The following ANGPT1 variants were observed in gnomAD, a reference collection of about 807,000 sequenced individuals.
ANGPT1 encodes the protein angiopoietin-1.
A neutral mutation model predicts 62.2 loss-of-function variants in ANGPT1; 17 were observed. The ratio of observed to expected loss-of-function variants is 0.27; its 90% CI spans 0.19 to 0.41. ANGPT1 has a LOEUF of 0.41. ANGPT1 is among the 10% of genes least tolerant of loss of function. ANGPT1 has a pLI of 1.00. For missense variants in ANGPT1, 478 were observed against 594.9 expected (o/e 0.80, Z 2.04); for synonymous variants, 199 against 198.9 (o/e 1.00, Z 0.00).
chr8:107,366,552 C>A (rs894181440), intron 1 of ANGPT1, among the ~76,000 whole-genome samples: 1 of 152,074 alleles, frequency 6.6e-6, no homozygotes, highest in Non-Finnish European at 1.5e-5. Context: ...AACATGGGCT[C>A]ACTGTTTTTT....
intron 1 of ANGPT1, among the ~76,000 whole-genome samples, chr8:107,406,492 A>G (rs1817150209): frequency 1.3e-5 from 2 of 152,088 alleles, no homozygotes; most frequent in African/African-American, 4.8e-5. Flanking sequence ...AGAAATGACC[A>G]TCAATAGCTA....
At chr8:107,405,902 C>G (rs1001790527) in intron 1 of ANGPT1, among the ~76,000 whole-genome samples, 2 of 151,760 alleles carry the variant, frequency 1.3e-5, no homozygotes, top group Admixed American at 1.3e-4. Context: ...TACTGTAAAT[C>G]AAATTATTGG....
rs866143739 is a variant in ANGPT1, at chr8:107,317,642, T to A, written c.808+4254A>T. Reference sequence around the variant, plus strand: ...AATTTATTTTTATTTTTATTTTTTTTTTTTTTGAGACAGAGTCTTACTCTG... The same window carrying A: ...AATTTATTTTTATTTTTATTTTTTTATTTTTTGAGACAGAGTCTTACTCTG... On this transcript the variant is annotated intron_variant, in intron 4 of 8. Transcript: ENST00000517746. Among the ~76,000 whole-genome samples, 1,251 of 151,690 alleles carry A rather than the reference T, an allele frequency of 8.2e-3. 8 individuals are homozygous for A. Among genetic ancestry groups the A allele is most frequent in the Middle Eastern group, 0.034 (10 of 294 alleles).
intron 1 of ANGPT1, among the ~76,000 whole-genome samples, chr8:107,392,652 T>C (rs1816857647): frequency 1.3e-5 from 2 of 152,210 alleles, no homozygotes; most frequent in South Asian, 2.1e-4. Flanking sequence ...TATATGTGGC[T>C]TCTGAGTCTC....
intron 4 of ANGPT1, among the ~76,000 whole-genome samples, chr8:107,321,474 G>A (rs1815147889): frequency 6.6e-6 from 1 of 151,954 alleles, no homozygotes; most frequent in Admixed American, 6.6e-5. Flanking sequence ...CCCTTTAAAA[G>A]GAAATAATAA....
chr8:107,386,298 G>C (rs952104633), intron 1 of ANGPT1, among the ~76,000 whole-genome samples: 2 of 152,062 alleles, frequency 1.3e-5, no homozygotes, highest in African/African-American at 4.8e-5. Context: ...TATTATGCTA[G>C]TTAGCTGGAT....
intron 1 of ANGPT1, among the ~76,000 whole-genome samples, chr8:107,462,526 C>T (rs189487277): frequency 1.2e-4 from 18 of 151,982 alleles, no homozygotes; most frequent in Admixed American, 3.9e-4. Flanking sequence ...AGTGAGGTTG[C>T]TGGCACACAT....
intron 7 of ANGPT1, among the ~76,000 whole-genome samples, chr8:107,278,604 T>G (rs1230255695): frequency 1.3e-5 from 2 of 152,162 alleles, no homozygotes; most frequent in Non-Finnish European, 2.9e-5. Context: ...TGTGTGAGAT[T>G]TGGAAGGCGA....
intron 5 of ANGPT1, among the ~76,000 whole-genome samples, chr8:107,302,887 T>C (rs1326665857): frequency 6.6e-6 from 1 of 151,934 alleles, no homozygotes; most frequent in Non-Finnish European, 1.5e-5. Context: ...ATGTGTGTTC[T>C]CTGGATTGTT....
At chr8:107,420,928 C>T (rs746456394) in intron 1 of ANGPT1, among the ~76,000 whole-genome samples, 2 of 152,022 alleles carry the variant, frequency 1.3e-5, no homozygotes, top group African/African-American at 2.4e-5. Context: ...TATTTATTCA[C>T]TAATACTCCT....
intron 1 of ANGPT1, among the ~76,000 whole-genome samples, chr8:107,397,697 T>C (rs1040572716): frequency 1.3e-5 from 2 of 152,056 alleles, no homozygotes; most frequent in East Asian, 3.9e-4. Flanking sequence ...AACCAGCAAG[T>C]CAACTCTTCA....
chr8:107,394,921 A>G (rs1816906188), intron 1 of ANGPT1, among the ~76,000 whole-genome samples: 1 of 152,082 alleles, frequency 6.6e-6, no homozygotes, highest in Non-Finnish European at 1.5e-5. Context: ...CCTCTTAAAA[A>G]CCCTAAGGAT....
intron 1 of ANGPT1, among the ~76,000 whole-genome samples, chr8:107,492,607 G>T (rs1235700639): frequency 1.5e-5 from 2 of 136,650 alleles, no homozygotes; most frequent in Admixed American, 1.5e-4. Flanking sequence ...AAAGTGCTGG[G>T]ATTACAGGTG....
At chr8:107,370,195 A>AAGAAAGAAAG (rs1816357506) in intron 1 of ANGPT1, among the ~76,000 whole-genome samples, 1 of 93,258 alleles carries the variant, frequency 1.1e-5, no homozygotes. Flanking sequence ...AAGAAAGAAA[A>AAGAAAGAAAG]AAAGAAAGAA....
chr8:107,430,161 C>G (rs1389196766), intron 1 of ANGPT1, among the ~76,000 whole-genome samples: 1 of 152,108 alleles, frequency 6.6e-6, no homozygotes, highest in Non-Finnish European at 1.5e-5. Flanking sequence ...TCCTTGAAAG[C>G]ATTTTAACTC....
intron 2 of ANGPT1, among the ~76,000 whole-genome samples, chr8:107,346,240 T>A (rs1815801282): frequency 6.6e-6 from 1 of 152,216 alleles, no homozygotes; most frequent in Non-Finnish European, 1.5e-5. Flanking sequence ...TACATTGGGA[T>A]AGAATCATCC....
At chr8:107,440,014 T>C (rs1446820024) in intron 1 of ANGPT1, among the ~76,000 whole-genome samples, 1 of 152,132 alleles carries the variant, frequency 6.6e-6, no homozygotes, top group Non-Finnish European at 1.5e-5. Flanking sequence ...GCAGAATAGA[T>C]GGGCTAAGGA....
intron 8 of ANGPT1, among the ~76,000 whole-genome samples, chr8:107,252,707 GA>G (rs202002647): frequency 0.016 from 2,372 of 152,168 alleles, 57 homozygotes; most frequent in African/African-American, 0.054. Flanking sequence ...TTAGTAAAAA[GA>G]AAAACAACTT....
Position 107,405,443 on chromosome 8 carries a change from C to T in ANGPT1, c.298-58346G>A, listed in dbSNP as rs182078827. Among the ~76,000 whole-genome samples the T allele has an allele frequency of 5.9e-5, 9 of 151,960 alleles. No homozygotes were observed. In the East Asian group the frequency reaches 1.7e-3, roughly 29 times the overall value. ...AAAATTTTTGAGTGCTGATATGATGCCACAAATGAAAAATTCCACATCTGA... is the reference window on the plus strand; with the variant it reads ...AAAATTTTTGAGTGCTGATATGATGTCACAAATGAAAAATTCCACATCTGA... On this transcript the variant is annotated intron_variant, in intron 1 of 8. Transcript: ENST00000517746.
Sources: allele counts gnomAD v4.1 joint callset (sites outside exome capture counted in the v4.1 genomes callset), GRCh38; gene constraint gnomAD v4.1.1; transcripts MANE v1.5; gene names NCBI Gene and HGNC (gene_info 2026-07-23, HGNC 2026-07-21).